Variants in GTF2I observed in about 807,000 individuals in gnomAD.
GTF2I encodes the protein general transcription factor IIi, also known as general transcription factor II-I.
Under a neutral mutation model 67.6 loss-of-function variants are expected in GTF2I, and 12 were observed. The ratio of observed to expected loss-of-function variants is 0.18; its 90% CI spans 0.11 to 0.29. GTF2I has a LOEUF of 0.29. Ranked by LOEUF, GTF2I falls within the 10% of genes least tolerant of loss-of-function variation. GTF2I has a pLI of 1.00. For synonymous variants in GTF2I, 149 were observed against 197.0 expected (o/e 0.76, Z 2.04); for missense variants, 271 against 580.1 (o/e 0.47, Z 5.47).
In GTF2I at chr7:74,698,970, A is replaced by T. The variant is rs1245840914; in HGVS notation, c.248A>T (p.Glu83Val). 2.9e-6 allele frequency: 4 copies of T among 1,380,302 alleles called. No individual in the cohort carries two copies. The African/African-American group carries it at 6.0e-5, about 21-fold the overall frequency. 85.5% of individuals were successfully genotyped at this position (1,380,302 alleles called of 1,614,324 possible). ...QKDFVKYCVE[E>V]EEKAAEMHKM... Reference sequence around the variant, plus strand: ...TTTATTTTTTTTACAGGTGTTGAAGAAGAAGAAAAAGCTGCAGAGATGCAT... The same window carrying T: ...TTTATTTTTTTTACAGGTGTTGAAGTAGAAGAAAAAGCTGCAGAGATGCAT... Residue 83 changes from glutamate to valine, a missense_variant, in exon 4 of 35, where the codon GAA becomes GTA. Glu to Val is a moderately radical substitution (Grantham distance 121). Around this residue, in one of 9 missense-constraint regions of GTF2I, gnomAD observed 72 missense variants for 87.4 expected, o/e 0.82. Transcript: ENST00000573035.
intron 14 of GTF2I, among the ~76,000 whole-genome samples, chr7:74,731,296 A>G (rs1470290543): frequency 7.1e-5 from 10 of 141,714 alleles, no homozygotes; most frequent in Non-Finnish European, 1.4e-4. Context: ...CTGAATTGCT[A>G]TAAGTGAAAA....
chr7:74,685,825 G>A (rs953316677), intron 1 of GTF2I, among the ~76,000 whole-genome samples: 3 of 151,818 alleles, frequency 2.0e-5, no homozygotes, highest in African/African-American at 7.3e-5. Flanking sequence ...CGGCCGAGGC[G>A]GGCGGATCAT....
intron 6 of GTF2I, among the ~76,000 whole-genome samples, chr7:74,700,959 G>C (rs1789647831): frequency 6.6e-6 from 1 of 152,218 alleles, no homozygotes; most frequent in Non-Finnish European, 1.5e-5. Context: ...GTGGGGAGGG[G>C]ATACGCAGCT....
At chr7:74,675,918 G>A (rs1470232177) in intron 1 of GTF2I, among the ~76,000 whole-genome samples, 2 of 152,148 alleles carry the variant, frequency 1.3e-5, no homozygotes, top group African/African-American at 4.8e-5. Context: ...GCTGAGGCAG[G>A]AGAATCGCTT....
At chr7:74,732,114 T>C (rs1259921436) in intron 14 of GTF2I, among the ~76,000 whole-genome samples, 1 of 147,698 alleles carries the variant, frequency 6.8e-6, no homozygotes, top group Non-Finnish European at 1.5e-5. Flanking sequence ...CATATACATA[T>C]ATATGTATAT....
At chr7:74,681,597 T>C (rs955387181) in intron 1 of GTF2I, among the ~76,000 whole-genome samples, 41 of 152,216 alleles carry the variant, frequency 2.7e-4, no homozygotes, top group African/African-American at 9.4e-4. Context: ...ATGACACATA[T>C]GCCCAGATCT....
At chr7:74,701,475 T>A (rs1320622865) in intron 6 of GTF2I, among the ~76,000 whole-genome samples, 6 of 152,076 alleles carry the variant, frequency 3.9e-5, no homozygotes, top group Non-Finnish European at 8.8e-5. Flanking sequence ...CTTTTTTTTT[T>A]ATTATTATTT....
At chr7:74,683,574 C>T (rs781945461) in intron 1 of GTF2I, among the ~76,000 whole-genome samples, 10 of 152,058 alleles carry the variant, frequency 6.6e-5, no homozygotes, top group South Asian at 4.1e-4. Context: ...AGAATTAGGC[C>T]GGGTGCGGTG....
chr7:74,712,408 T>C (rs1554402755), intron 9 of GTF2I, among the ~76,000 whole-genome samples: 1 of 151,964 alleles, frequency 6.6e-6, no homozygotes, highest in East Asian at 1.9e-4. Context: ...TCTCTATTCT[T>C]AAGTTAACCA....
At chr7:74,672,297 G>T (rs750225786) in intron 1 of GTF2I, among the ~76,000 whole-genome samples, 1 of 152,020 alleles carries the variant, frequency 6.6e-6, no homozygotes, top group Non-Finnish European at 1.5e-5. Flanking sequence ...CCAGCACTTC[G>T]GGAGGCTGAG....
intron 1 of GTF2I, among the ~76,000 whole-genome samples, chr7:74,683,154 C>T (rs2718271): frequency 0.18 from 27,148 of 152,056 alleles, 4,584 homozygotes; most frequent in African/African-American, 0.45. Context: ...TAGTTAAGCC[C>T]ATGAATGACA....
intron 7 of GTF2I, among the ~76,000 whole-genome samples, chr7:74,705,716 C>G (rs893698069): frequency 6.6e-6 from 1 of 152,014 alleles, no homozygotes; most frequent in Non-Finnish European, 1.5e-5. Flanking sequence ...CATGTGCCAC[C>G]ATGCCCAGCT....
At chr7:74,706,858 ATTTATT>A (rs1554401554) in intron 8 of GTF2I, among the ~76,000 whole-genome samples, 1 of 151,930 alleles carries the variant, frequency 6.6e-6, no homozygotes, top group African/African-American at 2.4e-5. Context: ...TTATTTATTT[ATTTATT>A]TTTTGAGATG....
chr7:74,657,948 T>G lies in GTF2I; in HGVS notation c.-126T>G, dbSNP rs1390373894. The G allele has an allele frequency of 2.6e-5, 4 of 151,698 alleles. No individual in the cohort carries two copies. Among genetic ancestry groups the G allele is most frequent in the African/African-American group, 7.3e-5 (3 of 41,278 alleles). 9.4% of individuals were successfully genotyped at this position (151,698 alleles called of 1,614,324 possible). A position where few individuals can be genotyped will look rare whatever the true frequency, so the allele number is the denominator to read the frequency against. ...GCCCCTCGCCCCCTCTCGCCTCCCG[T>G]CCGCTCGCCAGCTCCCCTCAGCCGA... On this transcript the variant is annotated 5_prime_UTR_variant, in exon 1 of 35. Coordinates refer to ENST00000573035, the MANE Select transcript of GTF2I (RefSeq NM_032999.4).
chr7:74,753,391 A>G (rs1264288633), intron 29 of GTF2I, among the ~76,000 whole-genome samples: 1 of 152,170 alleles, frequency 6.6e-6, no homozygotes, highest in Non-Finnish European at 1.5e-5. Context: ...AAGGTTCACC[A>G]TCTGGCAGTG....
Position 74,750,589 on chromosome 7 carries a change from G to GCC in GTF2I, c.2421-771_2421-770dup, listed in dbSNP as rs1313357228. Among the ~76,000 whole-genome samples, 4 of 118,470 alleles carry GCC rather than the reference G, an allele frequency of 3.4e-5. No individual in the cohort carries two copies. In the South Asian group the frequency reaches 9.5e-4, roughly 28 times the overall value. The allele number at this position is 118,470 out of a possible 152,430, so 77.7% of individuals were successfully genotyped here. ...CCAGGGATGCTCTCAAGCAAAGCTG[G>GCC]CCACTTTTTTTTTTTTTTTTTTTTT... is the stretch of plus-strand genomic sequence containing the variant. On this transcript the variant is annotated intron_variant, in intron 26 of 34. Transcript: ENST00000573035.
intron 12 of GTF2I, among the ~76,000 whole-genome samples, chr7:74,724,234 C>T (rs1400686803): frequency 2.6e-5 from 4 of 152,068 alleles, no homozygotes; most frequent in African/African-American, 9.7e-5. Context: ...AAGAATGAAT[C>T]CATTTATTTG....
intron 1 of GTF2I, among the ~76,000 whole-genome samples, chr7:74,684,018 A>C (rs1425477195): frequency 6.6e-6 from 1 of 151,984 alleles, no homozygotes; most frequent in Non-Finnish European, 1.5e-5. Flanking sequence ...AGGAGAGGTC[A>C]TATCCTTGTG....
At position 74,743,330 on chromosome 7, in the gene GTF2I, TAAAAC is replaced by T. The variant is rs1279278747; in HGVS notation, c.1679-110_1679-106del. 1.3e-3 allele frequency: 361 copies of T among 268,992 alleles called. 3 individuals carry two copies. The East Asian group carries it at 0.021, about 16-fold the overall frequency. 16.7% of individuals were successfully genotyped at this position (268,992 alleles called of 1,614,324 possible). Reference sequence around the variant, plus strand: ...AGAGCAAGACTCTGTCTCAAAAAAATAAAACAAAACAAACAAAAAAGAATCACTGC... The same window carrying T: ...AGAGCAAGACTCTGTCTCAAAAAAATAAAACAAACAAAAAAGAATCACTGC... On this transcript the variant is annotated intron_variant, in intron 19 of 34. Coordinates refer to ENST00000573035, the MANE Select transcript of GTF2I (RefSeq NM_032999.4).
Sources: allele counts gnomAD v4.1 joint callset (sites outside exome capture counted in the v4.1 genomes callset), GRCh38; gene constraint gnomAD v4.1.1; regional missense constraint gnomAD v4.1.1; transcripts MANE v1.5; gene names NCBI Gene and HGNC (gene_info 2026-07-23, HGNC 2026-07-21).